Variants in HDAC9 observed in about 807,000 individuals in gnomAD.
HDAC9 encodes the protein histone deacetylase 9.
A neutral mutation model predicts 139.4 loss-of-function variants in HDAC9; 41 were observed. The ratio of observed to expected loss-of-function variants is 0.29; its 90% CI spans 0.23 to 0.38. HDAC9 has a LOEUF of 0.38. HDAC9 is among the 10% of genes least tolerant of loss of function. The pLI is 1.00. For missense variants in HDAC9, 1,147 were observed against 1,297.0 expected (o/e 0.88, Z 1.78); for synonymous variants, 517 against 476.2 (o/e 1.09, Z -1.12).
At chr7:18,895,238 CAG>C (rs1348330534) in intron 22 of HDAC9, among the ~76,000 whole-genome samples, 1 of 152,106 alleles carries the variant, frequency 6.6e-6, no homozygotes, top group African/African-American at 2.4e-5. Flanking sequence ...CCCCGCTAGG[CAG>C]AGAGCTGGAT....
intron 21 of HDAC9, among the ~76,000 whole-genome samples, chr7:18,851,897 A>G (rs1365327639): frequency 6.6e-6 from 1 of 152,194 alleles, no homozygotes; most frequent in African/African-American, 2.4e-5. Flanking sequence ...GACTTTCTTC[A>G]TTTGTAAAAC....
Position 18,921,969 on chromosome 7 carries a change from C to A in HDAC9, c.2804-13840C>A, listed in dbSNP as rs187256397. On this transcript the variant is annotated intron_variant, in intron 22 of 25. Transcript: ENST00000686413. ...TGGAAACCATCATTCTCAGCAAACTCTCACAAGGACAAAAAACCAAACACC... is the reference window on the plus strand; with the variant it reads ...TGGAAACCATCATTCTCAGCAAACTATCACAAGGACAAAAAACCAAACACC... Among the ~76,000 whole-genome samples, 1,102 of 150,792 alleles carry A rather than the reference C, an allele frequency of 7.3e-3. 17 individuals carry two copies. Among genetic ancestry groups the A allele is most frequent in the African/African-American group, 0.025 (1,042 of 41,116 alleles).
At chr7:18,714,975 C>T (rs964860952) in intron 12 of HDAC9, among the ~76,000 whole-genome samples, 8 of 152,068 alleles carry the variant, frequency 5.3e-5, no homozygotes, top group African/African-American at 1.7e-4. Flanking sequence ...ATTATCAATG[C>T]CTTTTTGTGA....
chr7:18,893,493 A>G (rs928948982), intron 22 of HDAC9, among the ~76,000 whole-genome samples: 3 of 152,168 alleles, frequency 2.0e-5, no homozygotes, highest in Admixed American at 6.5e-5. Context: ...TGTGGCTTAT[A>G]TTTAAACTGT....
intron 13 of HDAC9, among the ~76,000 whole-genome samples, chr7:18,728,044 C>T (rs1294988814): frequency 6.6e-6 from 1 of 152,186 alleles, no homozygotes; most frequent in Non-Finnish European, 1.5e-5. Context: ...CATTCTTTAG[C>T]AGTGTTCCTC....
intron 17 of HDAC9, among the ~76,000 whole-genome samples, chr7:18,805,992 G>A (rs932540059): frequency 1.4e-4 from 21 of 152,158 alleles, no homozygotes; most frequent in African/African-American, 5.1e-4. Flanking sequence ...CTGATCCTGT[G>A]GGTCAGCTGA....
chr7:18,309,565 C>T (rs1392974144), intron 1 of HDAC9, among the ~76,000 whole-genome samples: 2 of 152,102 alleles, frequency 1.3e-5, no homozygotes, highest in East Asian at 1.9e-4. Flanking sequence ...TCATAGATTA[C>T]AGTATGTGTG....
At chr7:18,927,087 TA>T (rs780178232) in intron 22 of HDAC9, among the ~76,000 whole-genome samples, 52 of 152,334 alleles carry the variant, frequency 3.4e-4, no homozygotes, top group South Asian at 6.2e-4. Flanking sequence ...ATTTACATTT[TA>T]AACATAACCA....
At chr7:18,178,157 T>C (rs1436442443) in intron 2 of HDAC9, among the ~76,000 whole-genome samples, 1 of 151,780 alleles carries the variant, frequency 6.6e-6, no homozygotes, top group Non-Finnish European at 1.5e-5. Context: ...AATCTTGGCT[T>C]ACTGGAACCT....
rs757689693 is a variant in HDAC9, at chr7:18,719,331, C to CTT, written c.1732-8224_1732-8223dup. ...CTAATTAACCTATTTTTTTCTCTTCCTTTTTTTTTTTTTTTTTTTTTTTTT... is the reference window on the plus strand; with the variant it reads ...CTAATTAACCTATTTTTTTCTCTTCCTTTTTTTTTTTTTTTTTTTTTTTTTTT... On this transcript the variant is annotated intron_variant, in intron 12 of 25. Coordinates refer to ENST00000686413, the MANE Select transcript of HDAC9 (RefSeq NM_178425.4). 8.2e-3 allele frequency among the ~76,000 whole-genome samples: 606 copies of CTT among 73,886 alleles called. 56 individuals carry two copies. The highest frequency in any genetic ancestry group is 0.033 in the African/African-American group (495 of 15,180). 48.5% of individuals were successfully genotyped at this position (73,886 alleles called of 152,430 possible).
At chr7:18,994,260 C>A (rs1052522548) in intron 25 of HDAC9, among the ~76,000 whole-genome samples, 1 of 152,174 alleles carries the variant, frequency 6.6e-6, no homozygotes, top group Non-Finnish European at 1.5e-5. Flanking sequence ...AATCGGTCTC[C>A]ATTAGAATAT....
At chr7:18,472,274 C>A (rs1208365261) in intron 1 of HDAC9, among the ~76,000 whole-genome samples, 4 of 152,180 alleles carry the variant, frequency 2.6e-5, no homozygotes, top group African/African-American at 9.7e-5. Context: ...CATCTTCAGA[C>A]TGCTCCCTGT....
chr7:18,892,548 C>G (rs1800778999), intron 22 of HDAC9: 1 of 152,124 alleles, frequency 6.6e-6, no homozygotes, highest in Non-Finnish European at 1.5e-5. Context: ...CTCTCTCCCT[C>G]TCTGTCCTTA....
chr7:18,522,518 A>G (rs960103913), intron 2 of HDAC9, among the ~76,000 whole-genome samples: 2 of 151,950 alleles, frequency 1.3e-5, no homozygotes, highest in Admixed American at 6.6e-5. Flanking sequence ...ATAACTGGAC[A>G]TGACAGAGTA....
At chr7:18,113,331 G>C (rs1783754597) in intron 1 of HDAC9, among the ~76,000 whole-genome samples, 1 of 152,160 alleles carries the variant, frequency 6.6e-6, no homozygotes, top group Non-Finnish European at 1.5e-5. Flanking sequence ...TGTATTTTTA[G>C]TCTGTTTTTC....
At chr7:18,194,522 A>G (rs1406407327) in intron 2 of HDAC9, among the ~76,000 whole-genome samples, 3 of 152,170 alleles carry the variant, frequency 2.0e-5, no homozygotes, top group East Asian at 3.9e-4. Flanking sequence ...GAAAAAAACC[A>G]TGGTAGGTGC....
At chr7:18,476,213 C>T (rs1795101455) in intron 1 of HDAC9, among the ~76,000 whole-genome samples, 1 of 152,056 alleles carries the variant, frequency 6.6e-6, no homozygotes, top group African/African-American at 2.4e-5. Context: ...GCTCAGAAAA[C>T]ACTGATTAAG....
intron 1 of HDAC9, among the ~76,000 whole-genome samples, chr7:18,433,327 C>A (rs937246889): frequency 6.6e-6 from 1 of 152,060 alleles, no homozygotes; most frequent in Admixed American, 6.6e-5. Flanking sequence ...CCTTAAGAAC[C>A]AAGCCAAGAC....
intron 2 of HDAC9, among the ~76,000 whole-genome samples, chr7:18,578,354 G>A (rs1383475604): frequency 6.6e-6 from 1 of 152,154 alleles, no homozygotes; most frequent in African/African-American, 2.4e-5. Flanking sequence ...GAGCAGAGGC[G>A]ATCAGCTTTC....
Sources: allele counts gnomAD v4.1 joint callset (sites outside exome capture counted in the v4.1 genomes callset), GRCh38; gene constraint gnomAD v4.1.1; transcripts MANE v1.5; gene names NCBI Gene and HGNC (gene_info 2026-07-23, HGNC 2026-07-21).